OR8H2: variants seen among roughly 807,000 people sequenced by gnomAD.
OR8H2 encodes olfactory receptor family 8 subfamily H member 2.
For synonymous variants in OR8H2, 157 were observed against 139.2 expected, an observed-to-expected ratio of 1.13 and a Z score of -0.90; for missense variants, 374 against 371.1, an observed-to-expected ratio of 1.01 and a Z score of -0.06.
chr11:56,105,239 A>C lies in OR8H2; in HGVS notation c.197A>C (p.His66Pro), dbSNP rs1171538149. 1 of 1,613,828 alleles carries C rather than the reference A, an allele frequency of 6.2e-7. No individual in the cohort carries two copies. The highest frequency in any genetic ancestry group is 1.3e-5 in the African/African-American group (1 of 74,834). ...ACTCCCATGTATTTTTTCCTTACTCACCTGTCATTTATTGACCTCAGTTAC... is the reference window on the plus strand; with the variant it reads ...ACTCCCATGTATTTTTTCCTTACTCCCCTGTCATTTATTGACCTCAGTTAC... The part of the protein sequence containing the change: ...LHTPMYFFLT[H>P]LSFIDLSYST... Residue 66 changes from histidine (H) to proline (P), a missense_variant, in exon 2 of 2, where the codon CAC becomes CCC. Physicochemically the swap from His to Pro is moderately conservative, Grantham distance 77 (BLOSUM62 -2). Transcript: ENST00000313503.
chr11:56,105,535 A>G lies in OR8H2; in HGVS notation c.493A>G (p.Arg165Gly). The G allele has an allele frequency of 1.2e-6, 2 of 1,614,200 alleles. No homozygotes were observed. The highest frequency in any genetic ancestry group is 1.7e-6 in the Non-Finnish European group (2 of 1,180,036). The part of the protein sequence containing the change: ...DSFVNVVSMS[R>G]LHFYDSNVIH... ...CTTTGTCAACGTGGTTTCCATGAGC[A>G]GATTGCATTTCTACGACTCAAACGT... The change falls in exon 2 of 2, where the codon AGA becomes GGA. Residue 165 changes from arginine to glycine, a missense_variant. Physicochemically the swap from Arg to Gly is moderately radical, Grantham distance 125. Coordinates refer to ENST00000313503, the MANE Select transcript of OR8H2 (RefSeq NM_001386064.1).
rs1429799396 is a variant in OR8H2, at chr11:56,107,507, TCA to T, written c.*1529_*1530del. ...AAATTTTTCTCTTCCATATCTGGAATCACAGTTTTGTTTTTCTCTGCTATTTA... is the reference window on the plus strand; with the variant it reads ...AAATTTTTCTCTTCCATATCTGGAATCAGTTTTGTTTTTCTCTGCTATTTA... On this transcript the variant is annotated 3_prime_UTR_variant, in exon 2 of 2. Coordinates refer to ENST00000313503, the MANE Select transcript of OR8H2 (RefSeq NM_001386064.1). 2.0e-5 allele frequency: 3 copies of T among 152,004 alleles called. No individual in the cohort carries two copies. Among genetic ancestry groups the T allele is most frequent in the Admixed American group, 6.6e-5 (1 of 15,266 alleles). The allele number at this position is 152,004 out of a possible 1,614,324, so 9.4% of individuals were successfully genotyped here. A position where few individuals can be genotyped will look rare whatever the true frequency, so the allele number is the denominator to read the frequency against.
At position 56,105,026 on chromosome 11, in the gene OR8H2, G is replaced by C. The variant is rs1320279183; in HGVS notation, c.-17G>C. The C allele has an allele frequency of 1.9e-6, 3 of 1,594,246 alleles. No individual in the cohort carries two copies. Among genetic ancestry groups the C allele is most frequent in the South Asian group, 2.3e-5 (2 of 87,570 alleles). ...ACGTATCAGCTTTGATTTCTCAGCA[G>C]TTTAGAGCAGGTGAACATGATGGGT... On this transcript the variant is annotated 5_prime_UTR_variant, in exon 2 of 2. Coordinates refer to ENST00000313503, the MANE Select transcript of OR8H2 (RefSeq NM_001386064.1).
rs573372121 is a variant in OR8H2, at chr11:56,106,715, C to T, written c.*734C>T. 104 of 151,952 alleles carry T rather than the reference C, an allele frequency of 6.8e-4. No individual in the cohort carries two copies. Among genetic ancestry groups the T allele is most frequent in the African/African-American group, 2.4e-3 (100 of 41,502 alleles). The allele number at this position is 151,952 out of a possible 1,614,324, so 9.4% of individuals were successfully genotyped here. ...AACTAAAAAGAACAAAAATCAGCAG[C>T]TCACAATTTTGGATTTCAGAAGCAA... On this transcript the variant is annotated 3_prime_UTR_variant, in exon 2 of 2. Transcript: ENST00000313503.
At position 56,105,346 on chromosome 11, in the gene OR8H2, T is replaced by C. The variant is rs1421029203; in HGVS notation, c.304T>C (p.Phe102Leu). Residue 102 changes from phenylalanine to leucine, a missense_variant, in exon 2 of 2, where the codon TTC (phenylalanine) becomes CTC (leucine). Physicochemically the swap from Phe to Leu is conservative, Grantham distance 22. Coordinates refer to ENST00000313503, the MANE Select transcript of OR8H2 (RefSeq NM_001386064.1). ...ISFTGCFAQM[F>L]FFAFLGTAEC... ...CTTTACGGGCTGCTTTGCCCAGATG[T>C]TCTTTTTTGCCTTCTTGGGTACTGC... The C allele has an allele frequency of 6.2e-7, 1 of 1,614,120 alleles. No homozygotes were observed. Among genetic ancestry groups the C allele is most frequent in the East Asian group, 2.2e-5 (1 of 44,890 alleles).
chr11:56,104,858 G>T lies in OR8H2; in HGVS notation c.-171-14G>T, dbSNP rs374921896. 0.035 allele frequency: 14,378 copies of T among 412,240 alleles called. 302 individuals are homozygous for T. The highest frequency in any genetic ancestry group is 0.042 in the Non-Finnish European group (9,955 of 235,140). 25.5% of individuals were successfully genotyped at this position (412,240 alleles called of 1,614,324 possible). ...GAAAGTTTTTTTTTGTTTGTTTTTT[G>T]TTTTTTGAGTCAGAGTCTGGCACAG... On this transcript the variant is annotated splice_polypyrimidine_tract_variant and intron_variant, in intron 1 of 1. Transcript: ENST00000313503.
Position 56,107,079 on chromosome 11 carries a change from A to G in OR8H2, c.*1098A>G, listed in dbSNP as rs961726019. 1 of 151,946 alleles carries G rather than the reference A, an allele frequency of 6.6e-6. No individual in the cohort carries two copies. Among genetic ancestry groups the G allele is most frequent in the African/African-American group, 2.4e-5 (1 of 41,436 alleles). The allele number at this position is 151,946 out of a possible 1,614,324, so 9.4% of individuals were successfully genotyped here. On this transcript the variant is annotated 3_prime_UTR_variant, in exon 2 of 2. Transcript: ENST00000313503. The stretch of plus-strand genomic sequence containing the variant: ...ATCCATTTACAAGTTTAATGTTGTC[A>G]TCGACAACTCTAATATAAATTTTTT...
chr11:56,103,992 G>A lies in OR8H2; in HGVS notation c.-172+5G>A, dbSNP rs1854013951. ...ATGAATGTTGACTCACACACAGTAA[G>A]TATTATTCTCAAAATTGGAAGATAT... On this transcript the variant is annotated splice_donor_5th_base_variant and intron_variant, in intron 1 of 1. Transcript: ENST00000313503. 6.6e-6 allele frequency: 1 copy of A among 152,022 alleles called. No individual in the cohort carries two copies. Among genetic ancestry groups the A allele is most frequent in the Non-Finnish European group, 1.5e-5 (1 of 67,982 alleles). The allele number at this position is 152,022 out of a possible 1,614,324, so 9.4% of individuals were successfully genotyped here.
rs141581869 is a variant in OR8H2, at chr11:56,104,359, G to A, written c.-172+372G>A. ...TATTGGAAACAAAAGGGGAGTAAAT[G>A]ATATAATAAAACGGTTTCCTGTCAT... On this transcript the variant is annotated intron_variant, in intron 1 of 1. Transcript: ENST00000313503. Among the ~76,000 whole-genome samples, 1,446 of 152,084 alleles carry A rather than the reference G, an allele frequency of 9.5e-3. 27 individuals are homozygous for A. Among genetic ancestry groups the A allele is most frequent in the African/African-American group, 0.033 (1,374 of 41,520 alleles).
chr11:56,105,691 T>C lies in OR8H2; in HGVS notation c.649T>C (p.Ser217Pro). The C allele has an allele frequency of 1.2e-6, 2 of 1,614,152 alleles. No individual in the cohort carries two copies. Among genetic ancestry groups the C allele is most frequent in the Non-Finnish European group, 1.7e-6 (2 of 1,179,966 alleles). The change falls in exon 2 of 2, where the codon TCC becomes CCC. Residue 217 changes from serine to proline, a missense_variant. Transcript: ENST00000313503. Reference sequence around the variant, plus strand: ...GGTGTCCCTTTTCACAATATCTGCATCCTATGTGTTCATTCTCTTTACCAT... The same window carrying C: ...GGTGTCCCTTTTCACAATATCTGCACCCTATGTGTTCATTCTCTTTACCAT... ...LMVSLFTISA[S>P]YVFILFTILK...
rs1246069569 is a variant in OR8H2, at chr11:56,106,174, GA to G, written c.*196del. On this transcript the variant is annotated 3_prime_UTR_variant, in exon 2 of 2. Transcript: ENST00000313503. ...TTTTTAGAAATCCAAATGGTAATTA[GA>G]AATCATAATATGTGTGTCATGTTTT... The G allele has an allele frequency of 2.2e-5, 10 of 457,580 alleles. No homozygotes were observed. Among genetic ancestry groups the G allele is most frequent in the Non-Finnish European group, 3.4e-5 (9 of 261,464 alleles). The allele number at this position is 457,580 out of a possible 1,614,324, so 28.3% of individuals were successfully genotyped here.
chr11:56,105,296 A>G lies in OR8H2; in HGVS notation c.254A>G (p.Asn85Ser), dbSNP rs1416595790. 6.2e-7 allele frequency: 1 copy of G among 1,614,178 alleles called. No individual in the cohort carries two copies. The highest frequency in any genetic ancestry group is 1.1e-5 in the South Asian group (1 of 91,078). ...STVVTPKTLA[N>S]LLTSNYISFT... ...GTCGTCACACCTAAAACCTTAGCGA[A>G]CTTACTGACTTCCAACTATATTTCC... Residue 85 changes from asparagine to serine, a missense_variant, in exon 2 of 2, where the codon AAC (asparagine) becomes AGC (serine). Coordinates refer to ENST00000313503, the MANE Select transcript of OR8H2 (RefSeq NM_001386064.1).
In OR8H2 at chr11:56,105,701, T is replaced by C. The variant is rs746508735; in HGVS notation, c.659T>C (p.Phe220Ser). ...TTCACAATATCTGCATCCTATGTGT[T>C]CATTCTCTTTACCATCCTGAAAATT... The part of the protein sequence containing the change: ...SLFTISASYV[F>S]ILFTILKINS... The change falls in exon 2 of 2, where the codon TTC becomes TCC. Residue 220 changes from phenylalanine to serine, a missense_variant. By Grantham distance (155) the Phe-to-Ser change is radical. Coordinates refer to ENST00000313503, the MANE Select transcript of OR8H2 (RefSeq NM_001386064.1). 29 of 1,614,124 alleles carry C rather than the reference T, an allele frequency of 1.8e-5. No individual in the cohort carries two copies. The highest frequency in any genetic ancestry group is 1.6e-4 in the African/African-American group (12 of 75,062).
intron 1 of OR8H2, among the ~76,000 whole-genome samples, 173 bp downstream of exon 1, chr11:56,104,160 C>T (rs61887140): frequency 0.057 from 8,721 of 151,990 alleles, 369 homozygotes; most frequent in Non-Finnish European, 0.084. Flanking sequence ...TCAGAGTCTA[C>T]AAGCAAAGTA....
rs1005035507 is a variant in OR8H2 at position 56,106,073 on chromosome 11, C to A, written c.*92C>A. 3.5e-5 allele frequency: 30 copies of A among 856,600 alleles called. No homozygotes were observed. The highest frequency in any genetic ancestry group is 4.6e-4 in the Middle Eastern group (2 of 4,308). 53.1% of individuals were successfully genotyped at this position (856,600 alleles called of 1,614,324 possible). ...AGTCTCTCTATAAAAACAATTGAAT[C>A]TTTTAATTTGTTTGCATTTCTGTTG... On this transcript the variant is annotated 3_prime_UTR_variant, in exon 2 of 2. Coordinates refer to ENST00000313503, the MANE Select transcript of OR8H2 (RefSeq NM_001386064.1).
rs1158621757 is a variant in OR8H2 at position 56,105,076 on chromosome 11, G to A, written c.34G>A (p.Asp12Asn). The A allele has an allele frequency of 2.5e-6, 4 of 1,613,852 alleles. No individual in the cohort carries two copies. Among genetic ancestry groups the A allele is most frequent in the Non-Finnish European group, 3.4e-6 (4 of 1,179,836 alleles). Residue 12 changes from aspartate to asparagine, a missense_variant, in exon 2 of 2, where the codon GAC (aspartate) becomes AAC (asparagine). Transcript: ENST00000313503. Reference sequence around the variant, plus strand: ...TAGAAGGAATAACACAAATGTGGCTGACTTCATCCTTATGGGACTGACACT... The same window carrying A: ...TAGAAGGAATAACACAAATGTGGCTAACTTCATCCTTATGGGACTGACACT... ...MGRRNNTNVA[D>N]FILMGLTLSE...
Position 56,105,967 on chromosome 11 carries a change from C to G in OR8H2, c.925C>G (p.Gln309Glu), listed in dbSNP as rs922212093. 1.9e-6 allele frequency: 3 copies of G among 1,553,430 alleles called. No individual in the cohort carries two copies. The highest frequency in any genetic ancestry group is 2.4e-5 in the South Asian group (2 of 82,728). Reference protein sequence around the residue: ...NAVIRVMQRRQDSR With the variant: ...NAVIRVMQRREDSR ...TGTCATCAGAGTCATGCAGAGAAGACAGGACTCCAGGTAATTAATATAGCA... is the reference window on the plus strand; with the variant it reads ...TGTCATCAGAGTCATGCAGAGAAGAGAGGACTCCAGGTAATTAATATAGCA... The change falls in exon 2 of 2, where the codon CAG becomes GAG. Residue 309 changes from glutamine to glutamate, a missense_variant. Gln to Glu is a conservative substitution (Grantham distance 29). Transcript: ENST00000313503.
Position 56,105,707 on chromosome 11 carries a change from T to C in OR8H2, c.665T>C (p.Leu222Pro), listed in dbSNP as rs549748112. 5.6e-6 allele frequency: 9 copies of C among 1,614,048 alleles called. No homozygotes were observed. In the East Asian group the frequency reaches 2.0e-4, roughly 36 times the overall value. The change falls in exon 2 of 2, where the codon CTC (leucine) becomes CCC (proline). Residue 222 changes from leucine to proline, a missense_variant. Transcript: ENST00000313503. ...FTISASYVFI[L>P]FTILKINSTS... is the part of the protein sequence containing the mutation. Reference sequence around the variant, plus strand: ...ATATCTGCATCCTATGTGTTCATTCTCTTTACCATCCTGAAAATTAATTCC... The same window carrying C: ...ATATCTGCATCCTATGTGTTCATTCCCTTTACCATCCTGAAAATTAATTCC...
Position 56,105,770 on chromosome 11 carries a change from C to G in OR8H2, c.728C>G (p.Ser243Cys). ...GKQKAFSTCV[S>C]HLLGVTIFYS... ...CAGAAAGCTTTCTCTACTTGCGTCT[C>G]TCATCTCTTGGGAGTCACCATCTTT... The change falls in exon 2 of 2, where the codon TCT becomes TGT. Residue 243 changes from serine to cysteine, a missense_variant. By Grantham distance (112) the Ser-to-Cys change is moderately radical. Transcript: ENST00000313503. The G allele has an allele frequency of 6.2e-7, 1 of 1,613,956 alleles. No homozygotes were observed. The highest frequency in any genetic ancestry group is 1.1e-5 in the South Asian group (1 of 91,078).
Sources: gnomAD v4.1 joint callset for allele counts (sites outside exome capture counted in the v4.1 genomes callset) on GRCh38, gnomAD v4.1.1 for gene constraint, MANE v1.5 for transcripts, NCBI Gene and HGNC (gene_info 2026-07-23, HGNC 2026-07-21) for gene names.